The following FGF14 variants were observed in gnomAD, a reference collection of about 807,000 sequenced individuals.
FGF14 encodes fibroblast growth factor homologous factor 4.
In FGF14, 5 loss-of-function variants were observed where a neutral mutation model predicts 25.5. The ratio of observed to expected loss-of-function variants is 0.20; its 90% CI spans 0.10 to 0.41. The LOEUF is 0.41. FGF14 is among the 10% of genes least tolerant of loss of function. FGF14 has a pLI of 1.00. For synonymous variants in FGF14, 138 were observed against 118.3 expected, an observed-to-expected ratio of 1.17 and a Z score of -1.08; for missense variants, 222 against 320.1, an observed-to-expected ratio of 0.69 and a Z score of 2.34.
chr13:102,395,847 A>G (rs570100374), intron 1 of FGF14: 1 of 152,370 alleles, frequency 6.6e-6, no homozygotes, highest in East Asian at 1.9e-4. Flanking sequence ...TGTCTGCGAC[A>G]TTCATCCTTT....
chr13:102,007,523 G>A (rs1006283050), intron 1 of FGF14, among the ~76,000 whole-genome samples: 8 of 152,212 alleles, frequency 5.3e-5, no homozygotes, highest in African/African-American at 1.7e-4. Flanking sequence ...GAGCAACAAA[G>A]CATGAATCAA....
chr13:102,032,353 T>C (rs1432999258), intron 1 of FGF14, among the ~76,000 whole-genome samples: 4 of 151,626 alleles, frequency 2.6e-5, no homozygotes, highest in Admixed American at 6.6e-5. Flanking sequence ...CAGAAAGAAA[T>C]AGACAAAGTG....
intron 1 of FGF14, among the ~76,000 whole-genome samples, chr13:102,182,071 G>A (rs1297106412): frequency 6.6e-6 from 1 of 152,084 alleles, no homozygotes; most frequent in Admixed American, 6.6e-5. Flanking sequence ...ACTAACTCCT[G>A]GACCCTGCAT....
intron 1 of FGF14, among the ~76,000 whole-genome samples, chr13:102,124,388 A>T (rs2045863734): frequency 6.6e-6 from 1 of 152,114 alleles, no homozygotes; most frequent in Admixed American, 6.6e-5. Context: ...TATACTCTTA[A>T]GAGGAAAATG....
chr13:101,965,090 GA>G (rs1027856574), intron 1 of FGF14, among the ~76,000 whole-genome samples: 9 of 150,944 alleles, frequency 6.0e-5, no homozygotes, highest in South Asian at 4.2e-4. Context: ...TAAAAATACA[GA>G]AAAAAAAATT....
intron 3 of FGF14, among the ~76,000 whole-genome samples, chr13:101,824,432 T>C (rs3007762): frequency 0.66 from 101,021 of 152,058 alleles, 33,806 homozygotes; most frequent in African/African-American, 0.75. Flanking sequence ...AGACTCTGCA[T>C]TGATTACTTC....
At chr13:101,884,968 G>A (rs1566375218) in intron 1 of FGF14, among the ~76,000 whole-genome samples, 1 of 151,958 alleles carries the variant, frequency 6.6e-6, no homozygotes, top group South Asian at 2.1e-4. Context: ...GAGGAAGGGT[G>A]GACATGAGTG....
At chr13:102,004,966 T>C (rs2039704303) in intron 1 of FGF14, among the ~76,000 whole-genome samples, 1 of 152,222 alleles carries the variant, frequency 6.6e-6, no homozygotes, top group African/African-American at 2.4e-5. Flanking sequence ...TTAAACCTCT[T>C]TCCTTTATAA....
At chr13:102,044,923 T>C (rs1410884936) in intron 1 of FGF14, among the ~76,000 whole-genome samples, 1 of 152,150 alleles carries the variant, frequency 6.6e-6, no homozygotes, top group Non-Finnish European at 1.5e-5. Flanking sequence ...TGGTGTACTC[T>C]GACTTGCTAC....
At chr13:101,724,843 TAA>T (rs909879897) in intron 4 of FGF14, among the ~76,000 whole-genome samples, 12 of 151,464 alleles carry the variant, frequency 7.9e-5, no homozygotes, top group African/African-American at 2.9e-4. Context: ...TTTGAAAACA[TAA>T]AAAGTATTAT....
chr13:102,184,345 A>T (rs1354136340), intron 1 of FGF14, among the ~76,000 whole-genome samples: 5 of 152,134 alleles, frequency 3.3e-5, no homozygotes, highest in Non-Finnish European at 7.4e-5. Flanking sequence ...GGAGGAGACA[A>T]TAAAGACAGG....
intron 1 of FGF14, among the ~76,000 whole-genome samples, chr13:102,115,967 G>A (rs188588403): frequency 7.9e-5 from 12 of 152,064 alleles, no homozygotes; most frequent in African/African-American, 1.4e-4. Context: ...AAAATTAGCC[G>A]GGCTTGGTGA....
At chr13:101,938,791 A>T (rs1479798212) in intron 1 of FGF14, among the ~76,000 whole-genome samples, 2 of 152,198 alleles carry the variant, frequency 1.3e-5, no homozygotes, top group Admixed American at 6.5e-5. Context: ...CTTTTCCCCC[A>T]TAAGCTTCTT....
At chr13:102,151,434 G>A (rs143829924) in intron 1 of FGF14, among the ~76,000 whole-genome samples, 1 of 152,238 alleles carries the variant, frequency 6.6e-6, no homozygotes, top group East Asian at 1.9e-4. Context: ...CTCCCAAAAC[G>A]AGAGTACTTA....
chr13:102,161,829 T>TA (rs769955534), intron 1 of FGF14, among the ~76,000 whole-genome samples: 2,274 of 135,332 alleles, frequency 0.017, 34 homozygotes, highest in East Asian at 0.068. Flanking sequence ...AGAAGATAAT[T>TA]AAAAAAAAAA....
At chr13:101,910,660 T>C (rs2032821360) in intron 1 of FGF14, among the ~76,000 whole-genome samples, 1 of 152,194 alleles carries the variant, frequency 6.6e-6, no homozygotes, top group African/African-American at 2.4e-5. Context: ...CCTACTGGTA[T>C]ACTGTCACCC....
chr13:101,787,392 G>A (rs1419397132), intron 3 of FGF14, among the ~76,000 whole-genome samples: 3 of 152,150 alleles, frequency 2.0e-5, no homozygotes, highest in African/African-American at 7.2e-5. Context: ...TTTAAAACCA[G>A]CTAGTTTCCA....
At position 102,290,730 on chromosome 13, in the gene FGF14, G is replaced by A. The variant is rs111527276; in HGVS notation, c.208+110741C>T. Reference sequence around the variant, plus strand: ...ATTCTGGAGTAAGTGATAGGGTACAGCCCCGAGCTAGGTCCAGGGCTACTG... The same window carrying A: ...ATTCTGGAGTAAGTGATAGGGTACAACCCCGAGCTAGGTCCAGGGCTACTG... On this transcript the variant is annotated intron_variant, in intron 1 of 4. Coordinates refer to the FGF14 transcript ENST00000376131. Among the ~76,000 whole-genome samples the A allele has an allele frequency of 6.3e-3, 965 of 152,258 alleles. 8 individuals are homozygous for A. Among genetic ancestry groups the A allele is most frequent in the Non-Finnish European group, 0.011 (717 of 68,018 alleles).
intron 1 of FGF14, among the ~76,000 whole-genome samples, chr13:102,079,070 C>T (rs892478487): frequency 6.6e-6 from 1 of 152,156 alleles, no homozygotes; most frequent in Admixed American, 6.5e-5. Context: ...CTCTGTCCTC[C>T]TGTTCCTCAG....
Sources: gnomAD v4.1 joint callset for allele counts (sites outside exome capture counted in the v4.1 genomes callset) on GRCh38, gnomAD v4.1.1 for gene constraint, MANE v1.5 for transcripts, NCBI Gene and HGNC (gene_info 2026-07-23, HGNC 2026-07-21) for gene names.